Variants in AAK1 observed in about 807,000 individuals in gnomAD.
AAK1 encodes AP2-associated protein kinase 1.
AAK1 carries 37 observed loss-of-function variants against 116.0 expected under a neutral mutation model. That is an observed-to-expected ratio of 0.32 (90% confidence interval 0.25 to 0.42). The LOEUF (loss-of-function observed/expected upper bound fraction) is 0.42, where lower values mean the gene tolerates loss of function less well. Among genes scored for constraint, AAK1 ranks in the 10% least tolerant of loss-of-function variants. The probability of loss-of-function intolerance (pLI) is 1.00; values close to 1 mark genes in which losing one functional copy is unlikely to be tolerated. For synonymous variants in AAK1, 458 were observed against 439.9 expected (o/e 1.04, Z -0.51); for missense variants, 919 against 1,170.6 (o/e 0.79, Z 3.14).
intron 2 of AAK1, among the ~76,000 whole-genome samples, chr2:69,602,989 T>C (rs1482103289): frequency 6.6e-6 from 1 of 152,122 alleles, no homozygotes; most frequent in African/African-American, 2.4e-5. Context: ...AGGCAGTACA[T>C]TAAAAGAATA....
chr2:69,513,095 G>C (rs11126233), intron 13 of AAK1, among the ~76,000 whole-genome samples: 55,780 of 151,854 alleles, frequency 0.37, 10,787 homozygotes, highest in East Asian at 0.53. Context: ...TTTCCATGAA[G>C]AAGAGGAACT....
At chr2:69,608,610 A>G (rs1322169065) in intron 2 of AAK1, among the ~76,000 whole-genome samples, 1 of 152,254 alleles carries the variant, frequency 6.6e-6, no homozygotes, top group Non-Finnish European at 1.5e-5. Context: ...GGAAAGGAAC[A>G]GCAAATTGAA....
At chr2:69,485,527 T>C (rs1020318840) in intron 17 of AAK1, among the ~76,000 whole-genome samples, 1 of 152,224 alleles carries the variant, frequency 6.6e-6, no homozygotes, top group African/African-American at 2.4e-5. Flanking sequence ...CCCTTAAGCA[T>C]GACTGAAGGT....
Position 69,471,322 on chromosome 2 carries a change from G to A in AAK1, c.*4547C>T. 4.1e-6 allele frequency: 4 copies of A among 985,390 alleles called. No homozygotes were observed. Among genetic ancestry groups the A allele is most frequent in the Non-Finnish European group, 3.6e-6 (3 of 829,922 alleles). 61.0% of individuals were successfully genotyped at this position (985,390 alleles called of 1,614,324 possible). A position where few individuals can be genotyped will look rare whatever the true frequency, so the allele number is the denominator to read the frequency against. On this transcript the variant is annotated 3_prime_UTR_variant, in exon 22 of 22. Transcript: ENST00000409085. ...AAGGAAATCTGGGAGAAGCAAAAGA[G>A]GTTTCTTGTTATAGATTTCCTAGCA...
intron 5 of AAK1, among the ~76,000 whole-genome samples, chr2:69,532,586 G>A (rs755190575): frequency 4.6e-5 from 7 of 151,352 alleles, no homozygotes; most frequent in Non-Finnish European, 8.8e-5. Context: ...CAAATGCCAT[G>A]TCCTTTTTGA....
intron 12 of AAK1, among the ~76,000 whole-genome samples, chr2:69,518,676 C>A (rs1676692493): frequency 6.6e-6 from 1 of 152,060 alleles, no homozygotes; most frequent in South Asian, 2.1e-4. Context: ...CTCGGCCTCC[C>A]AAAGTGCTGG....
At chr2:69,625,437 T>G (rs896311252) in intron 2 of AAK1, among the ~76,000 whole-genome samples, 1 of 152,104 alleles carries the variant, frequency 6.6e-6, no homozygotes, top group Non-Finnish European at 1.5e-5. Context: ...CCCTAACAGA[T>G]CTATAACAAA....
At chr2:69,582,503 C>T (rs1672591610) in intron 2 of AAK1, among the ~76,000 whole-genome samples, 1 of 152,150 alleles carries the variant, frequency 6.6e-6, no homozygotes, top group Admixed American at 6.5e-5. Context: ...TTTGCCCACG[C>T]TGGCTCTTTT....
chr2:69,636,104 T>C (rs993163498), intron 2 of AAK1, among the ~76,000 whole-genome samples: 1 of 152,212 alleles, frequency 6.6e-6, no homozygotes, highest in Non-Finnish European at 1.5e-5. Flanking sequence ...AGATATACTA[T>C]AGTTCATGTG....
At chr2:69,595,248 G>T (rs1253204392) in intron 2 of AAK1, among the ~76,000 whole-genome samples, 1 of 152,128 alleles carries the variant, frequency 6.6e-6, no homozygotes, top group Non-Finnish European at 1.5e-5. Context: ...GAGTAGCTGG[G>T]ATTACAGGCA....
At chr2:69,501,599 C>T (rs1300773271) in intron 16 of AAK1, among the ~76,000 whole-genome samples, 1 of 152,158 alleles carries the variant, frequency 6.6e-6, no homozygotes, top group African/African-American at 2.4e-5. Flanking sequence ...AAACTCACAG[C>T]CCAAGTACTT....
chr2:69,589,082 G>GT (rs1558984150), intron 2 of AAK1, among the ~76,000 whole-genome samples: 1 of 152,202 alleles, frequency 6.6e-6, no homozygotes, highest in Non-Finnish European at 1.5e-5. Context: ...GTCAGCTGGG[G>GT]TTAAAGATCA....
intron 2 of AAK1, among the ~76,000 whole-genome samples, chr2:69,625,706 A>T (rs1169900360): frequency 6.6e-6 from 1 of 152,238 alleles, no homozygotes; most frequent in Admixed American, 6.5e-5. Context: ...ATATTTCAAA[A>T]CTGGAAGACA....
At chr2:69,639,340 TTAAAC>T (rs1483097361) in intron 2 of AAK1, among the ~76,000 whole-genome samples, 19 of 152,344 alleles carry the variant, frequency 1.2e-4, no homozygotes, top group Admixed American at 9.1e-4. Flanking sequence ...TTCTGGAAGC[TTAAAC>T]CAAATCTTCC....
At position 69,472,045 on chromosome 2, in the gene AAK1, T is replaced by A. The variant is rs1674699674; in HGVS notation, c.*3824A>T. 1.1e-5 allele frequency: 11 copies of A among 985,278 alleles called. No individual in the cohort carries two copies. Among genetic ancestry groups the A allele is most frequent in the African/African-American group, 1.7e-5 (1 of 57,254 alleles). The allele number at this position is 985,278 out of a possible 1,614,324, so 61.0% of individuals were successfully genotyped here. A position where few individuals can be genotyped will look rare whatever the true frequency, so the allele number is the denominator to read the frequency against. ...TAACACTGAACAAAGTGACAACTTC[T>A]TTCAGAGGTGTTTTAATACCCATAT... On this transcript the variant is annotated 3_prime_UTR_variant, in exon 22 of 22. Transcript: ENST00000409085.
rs1674764017 is a variant in AAK1 at position 69,473,994 on chromosome 2, C to A, written c.*1875G>T. ...TGCCTCTCTCAGTTTTGGAAATGGT[C>A]TGTTATTCAACTAGAGGCCTTTACC... On this transcript the variant is annotated 3_prime_UTR_variant, in exon 22 of 22. Transcript: ENST00000409085. The A allele has an allele frequency of 1.0e-6, 1 of 985,686 alleles. No homozygotes were observed. Among genetic ancestry groups the A allele is most frequent in the Non-Finnish European group, 1.2e-6 (1 of 829,950 alleles). The allele number at this position is 985,686 out of a possible 1,614,324, so 61.1% of individuals were successfully genotyped here.
chr2:69,498,976 G>C (rs1675865422), intron 16 of AAK1, among the ~76,000 whole-genome samples: 1 of 152,192 alleles, frequency 6.6e-6, no homozygotes, highest in South Asian at 2.1e-4. Flanking sequence ...GAAGGGAATG[G>C]GGAGGTGCAG....
At chr2:69,524,699 C>T (rs916842037) in intron 10 of AAK1, among the ~76,000 whole-genome samples, 2 of 152,182 alleles carry the variant, frequency 1.3e-5, no homozygotes, top group African/African-American at 4.8e-5. Context: ...TCCCAAAGTG[C>T]TGGGATTATA....
At chr2:69,542,476 A>G in intron 5 of AAK1, 47 bp downstream of exon 5, 1 of 1,608,202 alleles carries the variant, frequency 6.2e-7, no homozygotes, top group South Asian at 1.1e-5. Context: ...TGGGGCAGAC[A>G]GAAAATATTG....
Sources: allele counts gnomAD v4.1 joint callset (sites outside exome capture counted in the v4.1 genomes callset), GRCh38; gene constraint gnomAD v4.1.1; transcripts MANE v1.5; gene names NCBI Gene and HGNC (gene_info 2026-07-23, HGNC 2026-07-21).